ZDHHC2: variants seen among roughly 807,000 people sequenced by gnomAD.
ZDHHC2 encodes the protein palmitoyltransferase ZDHHC2.
ZDHHC2 carries 51 observed loss-of-function variants against 55.6 expected under a neutral mutation model. That is an observed-to-expected ratio of 0.92 (90% CI 0.73 to 1.16). The LOEUF is 1.16. Among genes scored for constraint, ZDHHC2 ranks in the 50% most tolerant of loss-of-function variants. The pLI is 0.00. For synonymous variants in ZDHHC2, 199 were observed against 152.9 expected (o/e 1.30, Z -2.22); for missense variants, 491 against 442.4 (o/e 1.11, Z -0.99).
chr8:17,199,353 C>T (rs1427169030), intron 6 of ZDHHC2, among the ~76,000 whole-genome samples: 2 of 151,898 alleles, frequency 1.3e-5, no homozygotes, highest in Non-Finnish European at 2.9e-5. Flanking sequence ...TAAATAACGC[C>T]CCCTTCGTAC....
Position 17,221,979 on chromosome 8 carries a change from T to G in ZDHHC2, c.*1758T>G, listed in dbSNP as rs1342044397. ...ATTAAGAATTATATGAAGTCAGGTT[T>G]GTTTTTTTTTTTTTTTTTTTTTCAA... On this transcript the variant is annotated 3_prime_UTR_variant, in exon 13 of 13. Transcript: ENST00000262096. 10 of 115,414 alleles carry G rather than the reference T, an allele frequency of 8.7e-5. No individual in the cohort carries two copies. Among genetic ancestry groups the G allele is most frequent in the African/African-American group, 3.0e-4 (10 of 32,996 alleles). The allele number at this position is 115,414 out of a possible 1,614,324, so 7.1% of individuals were successfully genotyped here. A position where few individuals can be genotyped will look rare whatever the true frequency, so the allele number is the denominator to read the frequency against.
chr8:17,206,067 C>G (rs897528308), intron 7 of ZDHHC2, among the ~76,000 whole-genome samples: 2 of 152,184 alleles, frequency 1.3e-5, no homozygotes, highest in Admixed American at 1.3e-4. Flanking sequence ...CTTTTGCCTT[C>G]TTGCTTCAGC....
At chr8:17,172,081 C>T (rs1050734155) in intron 1 of ZDHHC2, among the ~76,000 whole-genome samples, 5 of 152,176 alleles carry the variant, frequency 3.3e-5, no homozygotes, top group South Asian at 2.1e-4. Flanking sequence ...CCCAAAGCCC[C>T]GCGTCTATCA....
At chr8:17,219,142 C>T (rs1352073311) in intron 12 of ZDHHC2, among the ~76,000 whole-genome samples, 1 of 151,060 alleles carries the variant, frequency 6.6e-6, no homozygotes, top group Non-Finnish European at 1.5e-5. Context: ...CCCACCTACT[C>T]AGGAGGCTGA....
rs1025238183 is a variant in ZDHHC2, at chr8:17,224,667, G to A, written c.*4446G>A. 2.6e-5 allele frequency: 4 copies of A among 151,650 alleles called. No individual in the cohort carries two copies. Among genetic ancestry groups the A allele is most frequent in the African/African-American group, 7.3e-5 (3 of 41,358 alleles). 9.4% of individuals were successfully genotyped at this position (151,650 alleles called of 1,614,324 possible). ...AATTTAAAAAGATACTACAGAATGC[G>A]TCAGTTCTCCTGTTGTATTTTTCTC... On this transcript the variant is annotated 3_prime_UTR_variant, in exon 13 of 13. Transcript: ENST00000262096.
At chr8:17,187,132 C>T (rs752255451) in intron 3 of ZDHHC2, among the ~76,000 whole-genome samples, 4 of 152,156 alleles carry the variant, frequency 2.6e-5, no homozygotes, top group Non-Finnish European at 5.9e-5. Flanking sequence ...CCTTTCTTCT[C>T]GATGACCATG....
Position 17,199,542 on chromosome 8 carries a change from C to T in ZDHHC2, c.476+1129C>T, listed in dbSNP as rs1364494812. Among the ~76,000 whole-genome samples the T allele has an allele frequency of 1.5e-3, 51 of 34,630 alleles. 1 individual carries two copies. Among genetic ancestry groups the T allele is most frequent in the Non-Finnish European group, 2.6e-3 (42 of 15,980 alleles). The allele number at this position is 34,630 out of a possible 152,430, so 22.7% of individuals were successfully genotyped here. A position where few individuals can be genotyped will look rare whatever the true frequency, so the allele number is the denominator to read the frequency against. ...CTTCGTCTTCGTCTTCTGTCTTCGT[C>T]TTCTGTCTTCGTCTTCGTCTTCTTC... On this transcript the variant is annotated intron_variant, in intron 6 of 12. Coordinates refer to ENST00000262096, the MANE Select transcript of ZDHHC2 (RefSeq NM_016353.5).
chr8:17,210,025 A>G lies in ZDHHC2; in HGVS notation c.824A>G (p.Glu275Gly). The G allele has an allele frequency of 6.2e-7, 1 of 1,607,870 alleles. No individual in the cohort carries two copies. Among genetic ancestry groups the G allele is most frequent in the South Asian group, 1.1e-5 (1 of 90,094 alleles). The change falls in exon 9 of 13, where the codon GAG (glutamate) becomes GGG (glycine). Residue 275 changes from glutamate (E) to glycine (G), a missense_variant. Glu to Gly is a moderately conservative substitution (Grantham distance 98). Transcript: ENST00000262096. ...SKNMRQVFGD[E>G]KKYWLLPIFS... is the part of the protein sequence containing the mutation. ...AACATGCGACAAGTTTTTGGTGATG[A>G]GAAGAAGTACTGGTTGCTACCCATT...
intron 11 of ZDHHC2, among the ~76,000 whole-genome samples, chr8:17,216,200 C>G (rs539377564): frequency 6.6e-6 from 1 of 152,256 alleles, no homozygotes; most frequent in East Asian, 1.9e-4. Context: ...TTCAAATAAA[C>G]CAGTCAACGT....
chr8:17,176,223 G>C (rs188081370), intron 1 of ZDHHC2, among the ~76,000 whole-genome samples: 2,083 of 152,206 alleles, frequency 0.014, 30 homozygotes, highest in Non-Finnish European at 0.021. Context: ...GCCTTGCCCC[G>C]TGTTTGTGGT....
intron 9 of ZDHHC2, 135 bp from the exon 10 acceptor site, chr8:17,210,253 T>C: frequency 9.5e-7 from 1 of 1,053,276 alleles, no homozygotes; most frequent in East Asian, 2.6e-5. Context: ...GAACACTATG[T>C]TGAGCTCAAT....
intron 10 of ZDHHC2, among the ~76,000 whole-genome samples, chr8:17,211,099 A>G (rs1242731123): frequency 2.0e-5 from 3 of 152,182 alleles, no homozygotes; most frequent in Non-Finnish European, 2.9e-5. Context: ...CTGGCCAGAG[A>G]AAGACCTGAC....
At chr8:17,211,086 A>G (rs1807362369) in intron 10 of ZDHHC2, among the ~76,000 whole-genome samples, 2 of 152,196 alleles carry the variant, frequency 1.3e-5, no homozygotes, top group African/African-American at 4.8e-5. Context: ...CAAGAATTTG[A>G]GGCTGGCCAG....
chr8:17,161,840 G>A (rs2150875905), intron 1 of ZDHHC2, among the ~76,000 whole-genome samples: 1 of 152,206 alleles, frequency 6.6e-6, no homozygotes, highest in Admixed American at 6.5e-5. Context: ...AGCCTGGGGT[G>A]ACAGAGCGAG....
intron 3 of ZDHHC2, among the ~76,000 whole-genome samples, chr8:17,192,802 A>G (rs1334832977): frequency 1.3e-5 from 2 of 152,244 alleles, no homozygotes; most frequent in Non-Finnish European, 2.9e-5. Context: ...TGCGTATGGC[A>G]AGAGATATGT....
chr8:17,157,159 T>TC (rs1391981834), intron 1 of ZDHHC2, among the ~76,000 whole-genome samples: 1 of 151,966 alleles, frequency 6.6e-6, no homozygotes, highest in Non-Finnish European at 1.5e-5. Flanking sequence ...GGGCGGAAGG[T>TC]CCCCGGGACC....
At position 17,177,764 on chromosome 8, in the gene ZDHHC2, G is replaced by A. The variant is rs1805220940; in HGVS notation, c.131-7025G>A. Among the ~76,000 whole-genome samples the A allele has an allele frequency of 2.0e-5, 3 of 151,866 alleles. No homozygotes were observed. In the South Asian group the frequency reaches 6.2e-4, roughly 32 times the overall value. On this transcript the variant is annotated intron_variant, in intron 1 of 12. Coordinates refer to ENST00000262096, the MANE Select transcript of ZDHHC2 (RefSeq NM_016353.5). ...TGTTTTGGGGTGTTTGTGTGTGTGTGTGTGTGTGTGTTTGTGTGTGTGGGG... is the reference window on the plus strand; with the variant it reads ...TGTTTTGGGGTGTTTGTGTGTGTGTATGTGTGTGTGTTTGTGTGTGTGGGG...
chr8:17,170,220 A>G (rs948429359), intron 1 of ZDHHC2, among the ~76,000 whole-genome samples: 1 of 152,216 alleles, frequency 6.6e-6, no homozygotes, highest in South Asian at 2.1e-4. Flanking sequence ...TACAGAAGAA[A>G]ATAGTGCTTC....
At chr8:17,194,144 C>T (rs1036424382) in intron 3 of ZDHHC2, among the ~76,000 whole-genome samples, 12 of 152,144 alleles carry the variant, frequency 7.9e-5, no homozygotes, top group Non-Finnish European at 1.5e-4. Flanking sequence ...GTATGTGCCA[C>T]ATGTTCTTTA....
Sources: allele counts gnomAD v4.1 joint callset (sites outside exome capture counted in the v4.1 genomes callset), GRCh38; gene constraint gnomAD v4.1.1; transcripts MANE v1.5; gene names NCBI Gene and HGNC (gene_info 2026-07-23, HGNC 2026-07-21).